The following GRM5 variants were observed in gnomAD, a reference collection of about 807,000 sequenced individuals.
The protein encoded by GRM5 is metabotropic glutamate receptor 5.
GRM5 carries 19 observed loss-of-function variants against 83.1 expected under a neutral mutation model. That is an observed-to-expected ratio of 0.23 (90% CI 0.16 to 0.34). The LOEUF (loss-of-function observed/expected upper bound fraction) is 0.34, where lower values mean the gene tolerates loss of function less well. Ranked by LOEUF, GRM5 falls within the 10% of genes least tolerant of loss-of-function variation. GRM5 has a pLI of 1.00. For synonymous variants in GRM5, 675 were observed against 633.6 expected (o/e 1.07, Z -0.98); for missense variants, 1,160 against 1,588.3 (o/e 0.73, Z 4.58).
chr11:88,854,406 C>G (rs1404217370), intron 2 of GRM5, among the ~76,000 whole-genome samples: 2 of 151,820 alleles, frequency 1.3e-5, no homozygotes, highest in Non-Finnish European at 2.9e-5. Context: ...AATATTTACC[C>G]TGAGGACCCC....
Position 88,567,762 on chromosome 11 carries a change from G to C in GRM5, c.1921C>G (p.Gln641Glu). The change falls in exon 8 of 10, where the codon CAG becomes GAG. Residue 641 changes from glutamine (Q) to glutamate (E), a missense_variant. Coordinates refer to ENST00000305447, the MANE Select transcript of GRM5 (RefSeq NM_001143831.3). This position sits in a 1 kb window ranked among gnomAD's most constrained non-coding sequence, Gnocchi z 7.3. ...ATTCTCTGAAGGTAGCAGTAAATCT[G>C]TTTGGGCTTCGCAATGAGGCAGAAG... is the stretch of plus-strand genomic sequence containing the variant. The part of the protein sequence containing the change: ...CTFCLIAKPK[Q>E]IYCYLQRIGI... 1 of 1,614,032 alleles carries C rather than the reference G, an allele frequency of 6.2e-7. No individual in the cohort carries two copies. Among genetic ancestry groups the C allele is most frequent in the Non-Finnish European group, 8.5e-7 (1 of 1,179,918 alleles).
intron 3 of GRM5, among the ~76,000 whole-genome samples, chr11:88,808,079 T>G (rs1166102130): frequency 2.6e-5 from 4 of 152,026 alleles, no homozygotes; most frequent in Admixed American, 6.6e-5. Flanking sequence ...ATATCTACTA[T>G]TCAATAATTG....
chr11:88,505,880 A>G lies in GRM5; in HGVS notation c.*2712T>C, dbSNP rs191853850. ...TACCCAAATGAATTGTGAAGTTCATATCCTATAGCCCTAGAATGAATATTC... is the reference window on the plus strand; with the variant it reads ...TACCCAAATGAATTGTGAAGTTCATGTCCTATAGCCCTAGAATGAATATTC... On this transcript the variant is annotated 3_prime_UTR_variant, in exon 10 of 10. Coordinates refer to ENST00000305447, the MANE Select transcript of GRM5 (RefSeq NM_001143831.3). The G allele has an allele frequency of 5.4e-3, 828 of 152,318 alleles. 3 individuals carry two copies. The highest frequency in any genetic ancestry group is 8.1e-3 in the Non-Finnish European group (550 of 68,014). The allele number at this position is 152,318 out of a possible 1,614,324, so 9.4% of individuals were successfully genotyped here. A position where few individuals can be genotyped will look rare whatever the true frequency, so the allele number is the denominator to read the frequency against.
chr11:88,920,624 C>CA (rs1011049403), intron 2 of GRM5, among the ~76,000 whole-genome samples: 5 of 151,890 alleles, frequency 3.3e-5, no homozygotes, highest in Admixed American at 6.6e-5. Flanking sequence ...GAAGACACAT[C>CA]AAAAAAACAA....
At chr11:88,718,370 C>A (rs35809536) in intron 3 of GRM5, among the ~76,000 whole-genome samples, 24,099 of 151,794 alleles carry the variant, frequency 0.16, 2,569 homozygotes, top group Non-Finnish European at 0.24. Context: ...CTTCTTTCAC[C>A]TGTTCCTCCC....
intron 2 of GRM5, among the ~76,000 whole-genome samples, chr11:88,983,707 C>T (rs1421737816): frequency 6.6e-6 from 1 of 151,934 alleles, no homozygotes; most frequent in Non-Finnish European, 1.5e-5. Context: ...TTAGAATATA[C>T]TCCTTCTGCT....
At chr11:88,816,207 G>T (rs1441080184) in intron 3 of GRM5, among the ~76,000 whole-genome samples, 2 of 107,026 alleles carry the variant, frequency 1.9e-5, no homozygotes, top group Non-Finnish European at 3.4e-5. Flanking sequence ...GCGACAGAGC[G>T]AGACTCCGTC....
intron 2 of GRM5, among the ~76,000 whole-genome samples, chr11:88,974,000 T>A (rs1939249453): frequency 6.6e-6 from 1 of 152,136 alleles, no homozygotes; most frequent in African/African-American, 2.4e-5. Flanking sequence ...ATTCAGACAT[T>A]CAATATTCTA....
chr11:88,958,775 A>C (rs186058501), intron 2 of GRM5, among the ~76,000 whole-genome samples: 6 of 152,294 alleles, frequency 3.9e-5, no homozygotes, highest in South Asian at 2.1e-4. Flanking sequence ...TAAAAACTAA[A>C]ACACAAATTT....
At chr11:88,630,700 T>A (rs1938943928) in intron 4 of GRM5, among the ~76,000 whole-genome samples, 1 of 151,998 alleles carries the variant, frequency 6.6e-6, no homozygotes, top group Non-Finnish European at 1.5e-5. Flanking sequence ...TGCCTCAGCC[T>A]CCCAAGTGTC....
At chr11:88,605,604 G>T (rs978473781) in intron 4 of GRM5, among the ~76,000 whole-genome samples, 16 of 152,096 alleles carry the variant, frequency 1.1e-4, no homozygotes, top group African/African-American at 3.9e-4. Flanking sequence ...AAAAAAAGAT[G>T]ATTTGAACAT....
chr11:89,030,373 C>T (rs1941234162), intron 2 of GRM5, among the ~76,000 whole-genome samples: 1 of 152,046 alleles, frequency 6.6e-6, no homozygotes, highest in African/African-American at 2.4e-5. Flanking sequence ...TCAACACCAT[C>T]CATCCTGGGG....
intron 1 of GRM5, among the ~76,000 whole-genome samples, chr11:89,062,488 T>C (rs1372581106): frequency 2.0e-5 from 3 of 152,206 alleles, no homozygotes; most frequent in African/African-American, 4.8e-5. Context: ...TAAAATCCCA[T>C]GTAGCGAATG....
intron 1 of GRM5, among the ~76,000 whole-genome samples, chr11:89,048,397 G>A (rs938712412): frequency 6.6e-6 from 1 of 152,238 alleles, no homozygotes; most frequent in Admixed American, 6.5e-5. Context: ...GCAAAACTAC[G>A]CCATGAACAG....
At chr11:88,693,284 G>A (rs1405444446) in intron 3 of GRM5, among the ~76,000 whole-genome samples, 3 of 152,034 alleles carry the variant, frequency 2.0e-5, no homozygotes, top group African/African-American at 4.8e-5. Flanking sequence ...ATACAGAGTT[G>A]TACAATTTTC....
In GRM5 at chr11:88,898,540, A is replaced by G. The variant is rs1945269174; in HGVS notation, c.662-48385T>C. On this transcript the variant is annotated intron_variant, in intron 2 of 9. Transcript: ENST00000305447. ...ATTAAAATAAATGGACTAAGAAATA[A>G]ACTATGGAAAACCAACTAGTATAGC... Among the ~76,000 whole-genome samples the G allele has an allele frequency of 2.0e-5, 3 of 152,068 alleles. No homozygotes were observed. The South Asian group carries it at 6.2e-4, about 31-fold the overall frequency.
chr11:88,738,901 C>T (rs577570661), intron 3 of GRM5, among the ~76,000 whole-genome samples: 42 of 152,200 alleles, frequency 2.8e-4, no homozygotes, highest in Non-Finnish European at 5.1e-4. Context: ...CTCTTGGTCA[C>T]GCGTTTCTTA....
intron 9 of GRM5, among the ~76,000 whole-genome samples, chr11:88,518,045 G>A (rs1941571357): frequency 6.6e-6 from 1 of 151,866 alleles, no homozygotes; most frequent in Admixed American, 6.6e-5. Flanking sequence ...GATGAGAATT[G>A]AGCAGAAACT....
chr11:88,963,989 C>G (rs1938864609), intron 2 of GRM5, among the ~76,000 whole-genome samples: 1 of 152,090 alleles, frequency 6.6e-6, no homozygotes, highest in Non-Finnish European at 1.5e-5. Flanking sequence ...ATGAAGGACA[C>G]TAGGATGGAG....
Sources: allele counts gnomAD v4.1 joint callset (sites outside exome capture counted in the v4.1 genomes callset), GRCh38; gene constraint gnomAD v4.1.1; non-coding constraint Gnocchi (gnomAD v3.1); transcripts MANE v1.5; gene names NCBI Gene and HGNC (gene_info 2026-07-23, HGNC 2026-07-21).